Variants in VOPP1 observed in about 807,000 individuals in gnomAD.
VOPP1 encodes VOPP1 WW domain binding protein.
VOPP1 carries 8 observed loss-of-function variants against 23.5 expected under a neutral mutation model. The ratio of observed to expected loss-of-function variants is 0.34; its 90% CI spans 0.20 to 0.61. VOPP1 has a LOEUF of 0.61. Ranked by LOEUF, VOPP1 falls within the 20% of genes least tolerant of loss-of-function variation. The pLI is 0.78. For synonymous variants in VOPP1, 83 were observed against 97.3 expected (o/e 0.85, Z 0.86); for missense variants, 174 against 238.1 (o/e 0.73, Z 1.77).
chr7:55,443,160 G>A (rs1791009607), intron 4 of VOPP1, among the ~76,000 whole-genome samples: 1 of 151,900 alleles, frequency 6.6e-6, no homozygotes, highest in Admixed American at 6.6e-5. Context: ...AAAAGCAAAT[G>A]GAATTAAAAA....
downstream of VOPP1, among the ~76,000 whole-genome samples, chr7:55,469,253 T>C (rs1166726435): frequency 6.6e-6 from 1 of 152,174 alleles, no homozygotes; most frequent in Admixed American, 6.5e-5. Flanking sequence ...CTGAGCCCTT[T>C]GAGCTCAAAA....
At chr7:55,438,979 G>A (rs1050802192) in intron 4 of VOPP1, among the ~76,000 whole-genome samples, 2 of 152,160 alleles carry the variant, frequency 1.3e-5, no homozygotes, top group Non-Finnish European at 2.9e-5. Context: ...CTGGCAGGGC[G>A]CCACAGGCTG....
At chr7:55,565,539 A>T (rs533148136) in intron 1 of VOPP1, among the ~76,000 whole-genome samples, 196 of 152,374 alleles carry the variant, frequency 1.3e-3, no homozygotes, top group African/African-American at 4.6e-3. Context: ...ATTTTAAAAA[A>T]TAGTGTTCAG....
At chr7:55,445,153 TCTGCTTTAGCA>T (rs918444433) in intron 4 of VOPP1, among the ~76,000 whole-genome samples, 2 of 152,110 alleles carry the variant, frequency 1.3e-5, no homozygotes, top group African/African-American at 4.8e-5. Flanking sequence ...TTTTGTCATA[TCTGCTTTAGCA>T]CGTGTGCTCT....
intron 1 of VOPP1, among the ~76,000 whole-genome samples, chr7:55,543,623 T>C (rs976104086): frequency 6.6e-6 from 1 of 152,216 alleles, no homozygotes; most frequent in Non-Finnish European, 1.5e-5. Flanking sequence ...AGGTGATATC[T>C]CATGGTTTTG....
At chr7:55,567,366 G>C (rs768499278) in intron 1 of VOPP1, among the ~76,000 whole-genome samples, 1 of 152,234 alleles carries the variant, frequency 6.6e-6, no homozygotes, top group Admixed American at 6.5e-5. Context: ...AGTTAAGGTA[G>C]ACTAGGGAAA....
Position 55,519,979 on chromosome 7 carries a change from T to G in VOPP1, c.113+1093A>C, listed in dbSNP as rs1236748700. ...CCCATATCTACTAGAAATAGAAAAA[T>G]TAGCTGGGCGTGGTGGCACACGCCT... On this transcript the variant is annotated intron_variant, in intron 2 of 4. Coordinates refer to ENST00000285279, the MANE Select transcript of VOPP1 (RefSeq NM_030796.5). 5.9e-5 allele frequency among the ~76,000 whole-genome samples: 9 copies of G among 151,966 alleles called. 1 individual carries two copies. The highest frequency in any genetic ancestry group is 2.9e-5 in the Non-Finnish European group (2 of 68,004).
chr7:55,540,482 GC>G (rs1313481963), intron 1 of VOPP1, among the ~76,000 whole-genome samples: 5 of 152,076 alleles, frequency 3.3e-5, no homozygotes, highest in Non-Finnish European at 7.4e-5. Context: ...GTGTTTGATT[GC>G]CCCAGACTGT....
At chr7:55,519,865 C>T (rs191367944) in intron 2 of VOPP1, among the ~76,000 whole-genome samples, 12 of 152,310 alleles carry the variant, frequency 7.9e-5, no homozygotes, top group African/African-American at 2.6e-4. Context: ...AGGTGACTCA[C>T]GCCTCTAATC....
At chr7:55,565,540 T>C (rs1274774506) in intron 1 of VOPP1, among the ~76,000 whole-genome samples, 1 of 152,176 alleles carries the variant, frequency 6.6e-6, no homozygotes, top group African/African-American at 2.4e-5. Flanking sequence ...TTTTAAAAAA[T>C]AGTGTTCAGA....
chr7:55,461,760 T>A (rs866884954), intron 4 of VOPP1, among the ~76,000 whole-genome samples: 33 of 152,234 alleles, frequency 2.2e-4, no homozygotes, highest in African/African-American at 7.5e-4. Flanking sequence ...TCAGTTCCCA[T>A]TCAAGGTTAT....
chr7:55,465,302 T>G (rs1791605751), intron 4 of VOPP1, among the ~76,000 whole-genome samples: 1 of 152,160 alleles, frequency 6.6e-6, no homozygotes, highest in African/African-American at 2.4e-5. Context: ...AAAAAAGAGG[T>G]GGTTGCCTAA....
At chr7:55,509,477 CAG>C (rs2129033644) in intron 2 of VOPP1, among the ~76,000 whole-genome samples, 1 of 152,292 alleles carries the variant, frequency 6.6e-6, no homozygotes, top group African/African-American at 2.4e-5. Flanking sequence ...TTCACGAGGA[CAG>C]AGCCCTCATG....
intron 1 of VOPP1, among the ~76,000 whole-genome samples, chr7:55,556,234 G>A (rs1797798328): frequency 6.6e-6 from 1 of 152,202 alleles, no homozygotes; most frequent in South Asian, 2.1e-4. Flanking sequence ...CAAGGCAGGA[G>A]GAGGTGGGAG....
chr7:55,512,769 C>G (rs1461739455), intron 2 of VOPP1, among the ~76,000 whole-genome samples: 1 of 152,196 alleles, frequency 6.6e-6, no homozygotes, highest in Non-Finnish European at 1.5e-5. Flanking sequence ...GAGAGCTCAG[C>G]GAAGGAGTCC....
chr7:55,475,323 G>A (rs1030637883), intron 4 of VOPP1, among the ~76,000 whole-genome samples: 15 of 152,172 alleles, frequency 9.9e-5, no homozygotes, highest in African/African-American at 3.6e-4. Context: ...GCCATGTGGG[G>A]TGTGGCCCTG....
intron 4 of VOPP1, among the ~76,000 whole-genome samples, chr7:55,436,627 TGTGCGTGTGTGTGCGTGC>T (rs1790830449): frequency 7.1e-6 from 1 of 140,286 alleles, no homozygotes; most frequent in African/African-American, 2.7e-5. Context: ...AGTGTGTGTG[TGTGCGTGTGTGTGCGTGC>T]GTGGGTGTGT....
Position 55,445,703 on chromosome 7 carries a change from T to G in VOPP1, n.418-9529A>C, listed in dbSNP as rs146771106. ...TTCCCTCTGGTGTCATTTAACTTGT[T>G]CTGCAATCTCCCACTTCCTATAAAC... On this transcript the variant is annotated intron_variant and non_coding_transcript_variant, in intron 4 of 4. Transcript: ENST00000462326. 4.3e-4 allele frequency among the ~76,000 whole-genome samples: 65 copies of G among 152,324 alleles called. No individual in the cohort carries two copies. In the East Asian group the frequency reaches 9.8e-3, roughly 23 times the overall value.
intron 1 of VOPP1, among the ~76,000 whole-genome samples, chr7:55,560,528 G>C (rs367754470): frequency 1.3e-5 from 2 of 152,152 alleles, no homozygotes; most frequent in Non-Finnish European, 2.9e-5. Context: ...CCTAGATGCT[G>C]GGACAGGCCA....
Sources: allele counts gnomAD v4.1 joint callset (sites outside exome capture counted in the v4.1 genomes callset), GRCh38; gene constraint gnomAD v4.1.1; transcripts MANE v1.5; gene names NCBI Gene and HGNC (gene_info 2026-07-23, HGNC 2026-07-21).